Variants in FHOD3 observed in about 807,000 individuals in gnomAD.
FHOD3 encodes FH1/FH2 domain-containing protein 3.
A neutral mutation model predicts 173.0 loss-of-function variants in FHOD3; 90 were observed. The ratio of observed to expected loss-of-function variants is 0.52; its 90% CI spans 0.44 to 0.62. The LOEUF is 0.62. FHOD3 is among the 20% of genes least tolerant of loss of function. The probability of loss-of-function intolerance (pLI) is 0.00; values close to 1 mark genes in which losing one functional copy is unlikely to be tolerated. For synonymous variants in FHOD3, 828 were observed against 823.0 expected (o/e 1.01, Z -0.10); for missense variants, 1,945 against 2,034.7 (o/e 0.96, Z 0.85).
chr18:36,665,018 A>G (rs1446494063), intron 14 of FHOD3, among the ~76,000 whole-genome samples: 1 of 152,114 alleles, frequency 6.6e-6, no homozygotes, highest in Non-Finnish European at 1.5e-5. Flanking sequence ...ACTTGAGCCC[A>G]GGAGTTGGCA....
chr18:36,692,357 T>C (rs548608868), intron 16 of FHOD3, among the ~76,000 whole-genome samples: 3 of 152,298 alleles, frequency 2.0e-5, no homozygotes, highest in South Asian at 4.1e-4. Context: ...GGTAAGATAG[T>C]AAGAAACCTG....
intron 10 of FHOD3, among the ~76,000 whole-genome samples, chr18:36,630,422 C>T (rs2034431972): frequency 6.6e-6 from 1 of 152,176 alleles, no homozygotes; most frequent in Non-Finnish European, 1.5e-5. Flanking sequence ...TTCAAATTCT[C>T]AGGAAATATG....
At chr18:36,381,089 C>G (rs1355770008) in intron 3 of FHOD3, among the ~76,000 whole-genome samples, 1 of 152,234 alleles carries the variant, frequency 6.6e-6, no homozygotes, top group Non-Finnish European at 1.5e-5. Flanking sequence ...TCTACAGATA[C>G]AATTGCCGAG....
At chr18:36,454,612 A>G (rs540410875) in intron 3 of FHOD3, among the ~76,000 whole-genome samples, 2 of 151,924 alleles carry the variant, frequency 1.3e-5, no homozygotes, top group Non-Finnish European at 2.9e-5. Flanking sequence ...AGACAGCTAA[A>G]TATTTTTTTC....
chr18:36,481,306 A>G (rs1479309491), intron 3 of FHOD3, among the ~76,000 whole-genome samples: 1 of 152,114 alleles, frequency 6.6e-6, no homozygotes, highest in African/African-American at 2.4e-5. Flanking sequence ...CAAGCTCTTC[A>G]AGTGAGCCAA....
At chr18:36,418,585 T>A (rs2049799119) in intron 3 of FHOD3, among the ~76,000 whole-genome samples, 1 of 152,136 alleles carries the variant, frequency 6.6e-6, no homozygotes, top group Admixed American at 6.5e-5. Context: ...TCAGTTTTTC[T>A]TATAGGTCAC....
At chr18:36,593,418 A>G (rs901731169) in intron 6 of FHOD3, among the ~76,000 whole-genome samples, 1 of 152,200 alleles carries the variant, frequency 6.6e-6, no homozygotes, top group African/African-American at 2.4e-5. Context: ...TAGGTATGAC[A>G]GCAGAGGAGA....
chr18:36,436,622 A>T (rs1448937538), intron 3 of FHOD3, among the ~76,000 whole-genome samples: 1 of 152,306 alleles, frequency 6.6e-6, no homozygotes, highest in African/African-American at 2.4e-5. Context: ...ATTGTCATCA[A>T]ATACCTTATG....
chr18:36,598,503 A>G (rs2030840900), intron 7 of FHOD3, among the ~76,000 whole-genome samples: 1 of 152,230 alleles, frequency 6.6e-6, no homozygotes, highest in African/African-American at 2.4e-5. Flanking sequence ...CAAAGGGGTT[A>G]AAGTCCAGCG....
At chr18:36,721,767 A>G (rs1002249126) in intron 19 of FHOD3, among the ~76,000 whole-genome samples, 2 of 152,264 alleles carry the variant, frequency 1.3e-5, no homozygotes, top group African/African-American at 4.8e-5. Flanking sequence ...TGTGGTTTTC[A>G]TAAATCAAAA....
intron 6 of FHOD3, among the ~76,000 whole-genome samples, chr18:36,581,956 G>GA (rs1175629297): frequency 6.6e-6 from 1 of 152,060 alleles, no homozygotes; most frequent in Non-Finnish European, 1.5e-5. Flanking sequence ...ACAGAATAAT[G>GA]AAAAAATAGA....
At chr18:36,413,094 G>A (rs1210715491) in intron 3 of FHOD3, among the ~76,000 whole-genome samples, 1 of 152,190 alleles carries the variant, frequency 6.6e-6, no homozygotes, top group African/African-American at 2.4e-5. Context: ...TAGGCACCCT[G>A]GTTTTCAGCA....
chr18:36,514,304 C>T (rs539947404), intron 5 of FHOD3, among the ~76,000 whole-genome samples: 177 of 152,208 alleles, frequency 1.2e-3, no homozygotes, highest in African/African-American at 4.1e-3. Flanking sequence ...CCACTGCACC[C>T]GGCCTCTATT....
At chr18:36,605,550 A>T (rs536030830) in intron 8 of FHOD3, among the ~76,000 whole-genome samples, 26 of 152,220 alleles carry the variant, frequency 1.7e-4, no homozygotes, top group Middle Eastern at 3.4e-3. Flanking sequence ...TAACTCATTT[A>T]TGCCTAGTGT....
chr18:36,447,302 A>G (rs1007607427), intron 3 of FHOD3, among the ~76,000 whole-genome samples: 1 of 152,100 alleles, frequency 6.6e-6, no homozygotes, highest in South Asian at 2.1e-4. Context: ...TGTCACTGCA[A>G]ATCCCCTGGG....
chr18:36,327,875 C>T (rs1009033375), intron 1 of FHOD3, among the ~76,000 whole-genome samples: 1 of 152,198 alleles, frequency 6.6e-6, no homozygotes, highest in Non-Finnish European at 1.5e-5. Context: ...GAAAGCACCA[C>T]AGGCAATACT....
chr18:36,636,460 C>A (rs2034889094), intron 10 of FHOD3, among the ~76,000 whole-genome samples: 1 of 152,102 alleles, frequency 6.6e-6, no homozygotes, highest in South Asian at 2.1e-4. Flanking sequence ...TGAAGATGTA[C>A]ATTGAAGAGG....
At chr18:36,322,700 T>C (rs2044460734) in intron 1 of FHOD3, among the ~76,000 whole-genome samples, 1 of 152,164 alleles carries the variant, frequency 6.6e-6, no homozygotes, top group Admixed American at 6.5e-5. Flanking sequence ...GACCTGGTGG[T>C]GTCCTTTCTG....
chr18:36,513,869 G>C (rs1201605553), intron 5 of FHOD3, among the ~76,000 whole-genome samples: 1 of 152,004 alleles, frequency 6.6e-6, no homozygotes, highest in Admixed American at 6.6e-5. Context: ...TCACTTTGCT[G>C]ACCCATGGTG....
Sources: allele counts gnomAD v4.1 joint callset (sites outside exome capture counted in the v4.1 genomes callset), GRCh38; gene constraint gnomAD v4.1.1; transcripts MANE v1.5; gene names NCBI Gene and HGNC (gene_info 2026-07-23, HGNC 2026-07-21).